The following EPC2 variants were observed in gnomAD, a reference collection of about 807,000 sequenced individuals.
The protein encoded by EPC2 is enhancer of polycomb 2.
A neutral mutation model predicts 92.1 loss-of-function variants in EPC2; 14 were observed. The ratio of observed to expected loss-of-function variants is 0.15; its 90% CI spans 0.10 to 0.24. The LOEUF (loss-of-function observed/expected upper bound fraction) is 0.24. Ranked by LOEUF, EPC2 falls within the 10% of genes least tolerant of loss-of-function variation. The pLI, the probability that EPC2 is intolerant of heterozygous loss-of-function variation, is 1.00. For missense variants in EPC2, 755 were observed against 971.5 expected (o/e 0.78, Z 2.96); for synonymous variants, 340 against 334.7 (o/e 1.02, Z -0.17).
intron 1 of EPC2, among the ~76,000 whole-genome samples, chr2:148,647,108 C>T (rs1683819529): frequency 6.6e-6 from 1 of 151,780 alleles, no homozygotes; most frequent in Non-Finnish European, 1.5e-5. Context: ...AGACTCCGTC[C>T]CCCCCAACAA....
At chr2:148,767,302 A>G (rs1350856156) in intron 7 of EPC2, among the ~76,000 whole-genome samples, 1 of 152,066 alleles carries the variant, frequency 6.6e-6, no homozygotes, top group Non-Finnish European at 1.5e-5. Context: ...CTCACTCAGC[A>G]TAACTACTCA....
chr2:148,707,300 A>G (rs1169473981), intron 2 of EPC2, among the ~76,000 whole-genome samples: 4 of 152,216 alleles, frequency 2.6e-5, no homozygotes, highest in African/African-American at 4.8e-5. Context: ...AGAGCTAACT[A>G]TCCTAAATAT....
At chr2:148,645,361 T>G in intron 1 of EPC2, 191 bp downstream of exon 1, 1 of 551,754 alleles carries the variant, frequency 1.8e-6, no homozygotes. Context: ...GGCCGCCATG[T>G]TGTTGCGTCC....
intron 1 of EPC2, among the ~76,000 whole-genome samples, chr2:148,654,681 A>G (rs1433416110): frequency 1.3e-5 from 2 of 152,104 alleles, no homozygotes; most frequent in East Asian, 3.9e-4. Flanking sequence ...CAAACAAACA[A>G]AAAGAGAGAG....
intron 1 of EPC2, among the ~76,000 whole-genome samples, chr2:148,651,135 C>T (rs530332002): frequency 1.3e-5 from 2 of 152,142 alleles, no homozygotes; most frequent in Admixed American, 6.5e-5. Context: ...TGGAGAGAGG[C>T]GTAACAATTT....
At chr2:148,717,376 T>G (rs1682282117) in intron 2 of EPC2, among the ~76,000 whole-genome samples, 1 of 152,144 alleles carries the variant, frequency 6.6e-6, no homozygotes, top group Non-Finnish European at 1.5e-5. Context: ...ATGTGGGCAT[T>G]TAGTGCTATA....
At chr2:148,725,304 T>A (rs1317739424) in intron 2 of EPC2, among the ~76,000 whole-genome samples, 2 of 152,094 alleles carry the variant, frequency 1.3e-5, no homozygotes, top group Non-Finnish European at 2.9e-5. Context: ...TTCTCCATGA[T>A]TCATTAAATG....
chr2:148,744,789 AATTGTTATTAAC>A (rs201664492), intron 3 of EPC2, among the ~76,000 whole-genome samples: 3,858 of 149,690 alleles, frequency 0.026, 89 homozygotes, highest in Non-Finnish European at 0.038. Flanking sequence ...TTAATGTGCT[AATTGTTATTAAC>A]ATTCTAAGAA....
chr2:148,741,033 A>G (rs1682870658), intron 2 of EPC2, among the ~76,000 whole-genome samples: 1 of 152,184 alleles, frequency 6.6e-6, no homozygotes, highest in African/African-American at 2.4e-5. Flanking sequence ...ATTATTGATT[A>G]TCATATAATA....
intron 2 of EPC2, chr2:148,691,616 G>A (rs6724787): frequency 0.65 from 1,014,691 of 1,549,266 alleles, 347,354 homozygotes; most frequent in Non-Finnish European, 0.71. Context: ...ATTTGTTTCT[G>A]CCAGGCATTT....
chr2:148,707,137 A>T (rs552479777), intron 2 of EPC2, among the ~76,000 whole-genome samples: 1 of 152,326 alleles, frequency 6.6e-6, no homozygotes, highest in East Asian at 1.9e-4. Flanking sequence ...GGCTCAAAAT[A>T]AAGGGATGGA....
At position 148,669,585 on chromosome 2, in the gene EPC2, GGCA is replaced by G. The variant is rs1681114670; in HGVS notation, c.154-20627_154-20625del. On this transcript the variant is annotated intron_variant, in intron 1 of 13. Coordinates refer to ENST00000258484, the MANE Select transcript of EPC2 (RefSeq NM_015630.4). ...TTGTCCCAGTTACTCGTGAGGCTGA[GGCA>G]GGAGGATCACTTGAGCCCAGGGGAT... is the stretch of plus-strand genomic sequence containing the variant. Among the ~76,000 whole-genome samples the G allele has an allele frequency of 2.6e-5, 4 of 152,296 alleles. No homozygotes were observed. In the South Asian group the frequency reaches 8.3e-4, roughly 32 times the overall value.
chr2:148,660,014 CAT>C lies in EPC2; in HGVS notation c.153+14845_153+14846del, dbSNP rs768682093. Among the ~76,000 whole-genome samples the C allele has an allele frequency of 7.2e-5, 11 of 152,158 alleles. No individual in the cohort carries two copies. In the Middle Eastern group the frequency reaches 0.01, roughly 141 times the overall value. On this transcript the variant is annotated intron_variant, in intron 1 of 13. Coordinates refer to ENST00000258484, the MANE Select transcript of EPC2 (RefSeq NM_015630.4). The stretch of plus-strand genomic sequence containing the variant: ...ACCTACTCTTCCATTATAACAATAT[CAT>C]GTGTGTTCATTTGTAAAAAAATTCA...
intron 2 of EPC2, among the ~76,000 whole-genome samples, chr2:148,716,356 G>A (rs902833520): frequency 1.3e-5 from 2 of 152,056 alleles, no homozygotes; most frequent in African/African-American, 4.8e-5. Flanking sequence ...TGTTATTGGT[G>A]GGTTTGTCAT....
At chr2:148,753,751 A>G (rs1485777828) in intron 3 of EPC2, 176 bp from the exon 4 acceptor site, 2 of 569,790 alleles carry the variant, frequency 3.5e-6, no homozygotes, top group Non-Finnish European at 6.1e-6. Context: ...ATTTTTAGAT[A>G]AATCTCCTAA....
At chr2:148,662,769 TAACA>T (rs1319680155) in intron 1 of EPC2, among the ~76,000 whole-genome samples, 2 of 152,024 alleles carry the variant, frequency 1.3e-5, no homozygotes, top group African/African-American at 2.4e-5. Flanking sequence ...CATACATACG[TAACA>T]AACCTTCACA....
rs985742564 is a variant in EPC2 at position 148,663,905 on chromosome 2, A to T, written c.153+18735A>T. Among the ~76,000 whole-genome samples, 11 of 152,256 alleles carry T rather than the reference A, an allele frequency of 7.2e-5. No homozygotes were observed. In the East Asian group the frequency reaches 1.9e-3, roughly 27 times the overall value. ...CTAATGCTGCCACTGATCTAACAGG[A>T]GATGAAGCTCAGGGTAATGCTTGCT... On this transcript the variant is annotated intron_variant, in intron 1 of 13. Transcript: ENST00000258484.
At chr2:148,729,472 TA>T (rs1157461381) in intron 2 of EPC2, among the ~76,000 whole-genome samples, 1 of 152,210 alleles carries the variant, frequency 6.6e-6, no homozygotes, top group Non-Finnish European at 1.5e-5. Flanking sequence ...ACATTATTAT[TA>T]ACTAAACCCC....
intron 2 of EPC2, among the ~76,000 whole-genome samples, chr2:148,741,305 T>TGTTTAAAGC (rs1374073982): frequency 2.6e-4 from 39 of 152,266 alleles, no homozygotes; most frequent in African/African-American, 9.4e-4. Flanking sequence ...CTTTGAGTAC[T>TGTTTAAAGC]ACCTTGCCCA....
Sources: allele counts gnomAD v4.1 joint callset (sites outside exome capture counted in the v4.1 genomes callset), GRCh38; gene constraint gnomAD v4.1.1; transcripts MANE v1.5; gene names NCBI Gene and HGNC (gene_info 2026-07-23, HGNC 2026-07-21).